Variants in ZFHX3 observed in about 807,000 individuals in gnomAD.
ZFHX3 encodes the protein zinc finger homeobox protein 3.
In ZFHX3, 42 loss-of-function variants were observed where a neutral mutation model predicts 279.1. That is an observed-to-expected ratio of 0.15 (90% confidence interval 0.12 to 0.19). The LOEUF (loss-of-function observed/expected upper bound fraction) is 0.19. Among genes scored for constraint, ZFHX3 ranks in the 10% least tolerant of loss-of-function variants. The pLI is 1.00. For missense variants in ZFHX3, 4,981 were observed against 4,754.0 expected (o/e 1.05, Z -1.40); for synonymous variants, 2,293 against 1,957.8 (o/e 1.17, Z -4.52).
chr16:73,431,492 G>T (rs2143515415), intron 3 of ZFHX3, among the ~76,000 whole-genome samples: 1 of 152,248 alleles, frequency 6.6e-6, no homozygotes, highest in Non-Finnish European at 1.5e-5. Flanking sequence ...AGTGCGCCAA[G>T]ATCACACCAC....
chr16:72,989,513 T>A (rs1597060969), intron 1 of ZFHX3, among the ~76,000 whole-genome samples: 1 of 150,486 alleles, frequency 6.6e-6, no homozygotes, highest in Non-Finnish European at 1.5e-5. Flanking sequence ...ACTATCAAAC[T>A]CCACCAGCCA....
chr16:72,867,622 T>C (rs1365499941), intron 4 of ZFHX3, among the ~76,000 whole-genome samples: 1 of 152,224 alleles, frequency 6.6e-6, no homozygotes, highest in Non-Finnish European at 1.5e-5. Flanking sequence ...TCCACATTTA[T>C]TTTGATTGGA....
intron 1 of ZFHX3, among the ~76,000 whole-genome samples, chr16:73,813,320 G>A (rs1490491434): frequency 1.3e-5 from 2 of 151,902 alleles, no homozygotes; most frequent in South Asian, 4.2e-4. Flanking sequence ...TCTCAACTGG[G>A]TGAATTGCAA....
At chr16:73,866,568 T>A (rs1403388142) in intron 1 of ZFHX3, among the ~76,000 whole-genome samples, 1 of 152,158 alleles carries the variant, frequency 6.6e-6, no homozygotes, top group Non-Finnish European at 1.5e-5. Context: ...CAAATTATTT[T>A]TGTCTTTCTT....
At chr16:73,407,519 G>A (rs758561633) in intron 3 of ZFHX3, among the ~76,000 whole-genome samples, 13 of 152,158 alleles carry the variant, frequency 8.5e-5, no homozygotes, top group Non-Finnish European at 1.9e-4. Context: ...GAGAAATGGA[G>A]GTACAGTACA....
intron 4 of ZFHX3, among the ~76,000 whole-genome samples, chr16:72,846,324 T>C (rs1053044321): frequency 2.0e-5 from 3 of 152,162 alleles, no homozygotes; most frequent in African/African-American, 7.2e-5. Flanking sequence ...GGCAGAGGCA[T>C]GGCACGTGCA....
At chr16:73,840,356 A>ACCAC (rs1387424191) in intron 1 of ZFHX3, among the ~76,000 whole-genome samples, 1 of 152,144 alleles carries the variant, frequency 6.6e-6, no homozygotes, top group African/African-American at 2.4e-5. Flanking sequence ...AGGCAGTGGG[A>ACCAC]CCACCCCTTT....
chr16:73,890,049 T>G (rs1188800710), intron 1 of ZFHX3, among the ~76,000 whole-genome samples: 1 of 152,116 alleles, frequency 6.6e-6, no homozygotes, highest in Admixed American at 6.5e-5. Flanking sequence ...GTCCTAAATT[T>G]CTATACTGAT....
At chr16:73,831,214 AG>A (rs1001848148) in intron 1 of ZFHX3, among the ~76,000 whole-genome samples, 1 of 152,210 alleles carries the variant, frequency 6.6e-6, no homozygotes, top group African/African-American at 2.4e-5. Flanking sequence ...GGATTTGAAA[AG>A]GGCAACAGAA....
At chr16:73,650,341 C>CAA (rs962090444) in intron 2 of ZFHX3, among the ~76,000 whole-genome samples, 1 of 123,026 alleles carries the variant, frequency 8.1e-6, no homozygotes. Context: ...GCGCATTTTC[C>CAA]AAAAAAAAAA....
chr16:73,088,441 T>C (rs762056260), intron 8 of ZFHX3, among the ~76,000 whole-genome samples: 2 of 152,202 alleles, frequency 1.3e-5, no homozygotes, highest in African/African-American at 2.4e-5. Flanking sequence ...CATGAACCAC[T>C]GTGCCTGCCA....
At chr16:73,482,460 C>T (rs1005252368) in intron 2 of ZFHX3, among the ~76,000 whole-genome samples, 2 of 152,314 alleles carry the variant, frequency 1.3e-5, no homozygotes, top group African/African-American at 2.4e-5. Context: ...GCCTCACCCA[C>T]TCCCTGCTAG....
At chr16:73,020,411 GCTCT>G (rs1383780491) in intron 1 of ZFHX3, among the ~76,000 whole-genome samples, 3 of 152,098 alleles carry the variant, frequency 2.0e-5, no homozygotes, top group South Asian at 2.1e-4. Flanking sequence ...CCCAACAAAA[GCTCT>G]CTGTCTTAGA....
intron 8 of ZFHX3, among the ~76,000 whole-genome samples, chr16:73,079,430 C>A (rs1407040959): frequency 3.9e-5 from 6 of 152,072 alleles, no homozygotes; most frequent in Non-Finnish European, 7.4e-5. Flanking sequence ...GAGGCTGAGT[C>A]AGGAGAATCA....
intron 6 of ZFHX3, among the ~76,000 whole-genome samples, chr16:73,136,795 C>A (rs1039820471): frequency 3.1e-5 from 4 of 128,800 alleles, no homozygotes; most frequent in Non-Finnish European, 3.3e-5. Flanking sequence ...TCAAATAAGA[C>A]AATTCTAGGG....
intron 2 of ZFHX3, among the ~76,000 whole-genome samples, chr16:73,483,616 TG>T (rs1344720702): frequency 1.4e-5 from 2 of 144,876 alleles, no homozygotes; most frequent in Non-Finnish European, 1.5e-5. Context: ...AAAGGGAGAG[TG>T]GGGGGCGGGG....
intron 1 of ZFHX3, among the ~76,000 whole-genome samples, chr16:73,877,483 A>G (rs570494497): frequency 9.2e-5 from 14 of 152,324 alleles, no homozygotes; most frequent in Non-Finnish European, 1.5e-4. Context: ...CAGTTAATTC[A>G]AAAGGAATCA....
At chr16:72,863,760 G>C (rs964073235) in intron 4 of ZFHX3, among the ~76,000 whole-genome samples, 1 of 152,124 alleles carries the variant, frequency 6.6e-6, no homozygotes, top group Admixed American at 6.5e-5. Context: ...GAACACAGAT[G>C]ATGGGTTCAT....
intron 2 of ZFHX3, among the ~76,000 whole-genome samples, chr16:72,954,830 G>A (rs1314784893): frequency 6.6e-6 from 1 of 152,146 alleles, no homozygotes; most frequent in Non-Finnish European, 1.5e-5. Context: ...CACAATCAGT[G>A]TCTGTTTGAT....
Sources: allele counts gnomAD v4.1 joint callset (sites outside exome capture counted in the v4.1 genomes callset), GRCh38; gene constraint gnomAD v4.1.1; transcripts MANE v1.5; gene names NCBI Gene and HGNC (gene_info 2026-07-23, HGNC 2026-07-21).